The following ZNF385D variants were observed in gnomAD, a reference collection of about 807,000 sequenced individuals.
ZNF385D encodes the protein zinc finger protein 659.
Under a neutral mutation model 35.8 loss-of-function variants are expected in ZNF385D, and 15 were observed. That is an observed-to-expected ratio of 0.42 (90% CI 0.28 to 0.64). The LOEUF (loss-of-function observed/expected upper bound fraction) is 0.64. Among genes scored for constraint, ZNF385D ranks in the 30% least tolerant of loss-of-function variants. The pLI, the probability that ZNF385D is intolerant of heterozygous loss-of-function variation, is 0.23. For synonymous variants in ZNF385D, 212 were observed against 186.8 expected, an observed-to-expected ratio of 1.13 and a Z score of -1.10; for missense variants, 474 against 494.6, an observed-to-expected ratio of 0.96 and a Z score of 0.39.
chr3:21,719,166 A>C (rs1281977816), intron 1 of ZNF385D, among the ~76,000 whole-genome samples: 1 of 152,220 alleles, frequency 6.6e-6, no homozygotes, highest in Non-Finnish European at 1.5e-5. Flanking sequence ...AACCAACTGC[A>C]TGGGCAAAAC....
chr3:21,797,301 CAT>C (rs1359409196), intron 3 of ZNF385D, among the ~76,000 whole-genome samples: 1 of 152,162 alleles, frequency 6.6e-6, no homozygotes, highest in Non-Finnish European at 1.5e-5. Context: ...TCACTACACA[CAT>C]ATTAAAATGA....
intron 1 of ZNF385D, among the ~76,000 whole-genome samples, chr3:21,745,443 G>A (rs755589438): frequency 1.3e-5 from 2 of 152,160 alleles, no homozygotes; most frequent in Non-Finnish European, 2.9e-5. Context: ...TGCAATCAGG[G>A]CTGACTTCCA....
upstream of ZNF385D, among the ~76,000 whole-genome samples, chr3:21,753,779 G>GTTA (rs1279418651): frequency 5.1e-4 from 55 of 108,544 alleles, no homozygotes; most frequent in Non-Finnish European, 7.9e-4. Context: ...TGTTGTTGTT[G>GTTA]TTGTTGTTGT....
intron 3 of ZNF385D, among the ~76,000 whole-genome samples, chr3:22,046,377 G>A (rs1576221997): frequency 1.3e-5 from 2 of 152,070 alleles, no homozygotes; most frequent in South Asian, 4.2e-4. Context: ...GAAAAAGAAT[G>A]CCCTGACAGC....
At chr3:21,637,652 A>G (rs191352364) in intron 2 of ZNF385D, among the ~76,000 whole-genome samples, 2 of 152,210 alleles carry the variant, frequency 1.3e-5, no homozygotes, top group East Asian at 3.9e-4. Context: ...TGATCCTGTG[A>G]GAGCACTAAC....
intron 2 of ZNF385D, among the ~76,000 whole-genome samples, chr3:21,622,730 A>G (rs1182066180): frequency 6.6e-6 from 1 of 152,046 alleles, no homozygotes; most frequent in East Asian, 1.9e-4. Context: ...TAGCTTTTTC[A>G]TCTAAAATAA....
rs547385686 is a variant in ZNF385D, at chr3:21,581,471, A to AAAAG, written c.166-16791_166-16788dup. On this transcript the variant is annotated intron_variant, in intron 2 of 7. Transcript: ENST00000281523. ...TTATATTCTCCCCAACCTAAATTGC[A>AAAAG]AAAGAGGTAGGGTGTTGTATTTATC... is the stretch of plus-strand genomic sequence containing the variant. Among the ~76,000 whole-genome samples the AAAAG allele has an allele frequency of 3.4e-4, 52 of 152,246 alleles. No individual in the cohort carries two copies. The South Asian group carries it at 8.5e-3, about 25-fold the overall frequency.
At chr3:21,600,858 T>C (rs1437519900) in intron 2 of ZNF385D, among the ~76,000 whole-genome samples, 1 of 146,716 alleles carries the variant, frequency 6.8e-6, no homozygotes, top group African/African-American at 2.6e-5. Context: ...AAAGATAAAC[T>C]TGAGATTCTC....
chr3:21,921,628 TAAAA>T (rs1055451325), intron 3 of ZNF385D, among the ~76,000 whole-genome samples: 1 of 151,702 alleles, frequency 6.6e-6, no homozygotes, highest in Admixed American at 6.6e-5. Flanking sequence ...AGAAAACACC[TAAAA>T]AAAGAGACAT....
At chr3:21,692,692 A>C (rs549434196) in intron 1 of ZNF385D, among the ~76,000 whole-genome samples, 1 of 152,304 alleles carries the variant, frequency 6.6e-6, no homozygotes, top group South Asian at 2.1e-4. Context: ...CAAAGAGTGC[A>C]TGTCTTCATT....
chr3:21,575,285 G>T (rs2063463554), intron 2 of ZNF385D, among the ~76,000 whole-genome samples: 1 of 152,226 alleles, frequency 6.6e-6, no homozygotes. Context: ...GGAGGTGGGA[G>T]GGTGGTGTTT....
intron 2 of ZNF385D, among the ~76,000 whole-genome samples, chr3:22,291,593 T>C (rs1239075021): frequency 1.3e-5 from 2 of 152,072 alleles, no homozygotes; most frequent in African/African-American, 4.8e-5. Flanking sequence ...GATAGTTTTA[T>C]ACTATTCTTT....
rs141687127 is a variant in ZNF385D at position 21,684,041 on chromosome 3, G to A, written c.23-19013C>T. 1.0e-2 allele frequency among the ~76,000 whole-genome samples: 1,493 copies of A among 149,770 alleles called. 96 individuals are homozygous for A. The highest frequency in any genetic ancestry group is 0.016 in the Non-Finnish European group (1,101 of 67,336). ...TGATGTTTTAAGGCACCAAGTTTCT[G>A]GTAATTAATTACGCAGAAATAGAAC... On this transcript the variant is annotated intron_variant, in intron 1 of 7. Coordinates refer to ENST00000281523, the MANE Select transcript of ZNF385D (RefSeq NM_024697.3).
intron 1 of ZNF385D, among the ~76,000 whole-genome samples, chr3:21,741,749 T>C (rs965361108): frequency 1.8e-4 from 27 of 152,138 alleles, no homozygotes; most frequent in African/African-American, 6.5e-4. Context: ...TCCTAAGCAA[T>C]TATTAATAAA....
chr3:22,104,742 T>C (rs971617438), intron 3 of ZNF385D, among the ~76,000 whole-genome samples: 1 of 152,166 alleles, frequency 6.6e-6, no homozygotes, highest in Non-Finnish European at 1.5e-5. Context: ...AGAATTGTTA[T>C]GGGAGATAAA....
upstream of ZNF385D, among the ~76,000 whole-genome samples, chr3:21,753,045 G>C (rs1209119654): frequency 6.6e-6 from 1 of 152,106 alleles, no homozygotes; most frequent in African/African-American, 2.4e-5. Flanking sequence ...TTTCAAATAG[G>C]AGATTTGAAA....
chr3:22,274,791 T>A (rs1208222456), intron 2 of ZNF385D, among the ~76,000 whole-genome samples: 1 of 151,376 alleles, frequency 6.6e-6, no homozygotes, highest in Non-Finnish European at 1.5e-5. Flanking sequence ...GTACTTTTTT[T>A]TTTTTTTTAA....
At chr3:21,498,690 A>G (rs1452072229) in intron 4 of ZNF385D, among the ~76,000 whole-genome samples, 1 of 152,048 alleles carries the variant, frequency 6.6e-6, no homozygotes, top group African/African-American at 2.4e-5. Context: ...TATTAATAAC[A>G]AGTCACACTT....
rs1381710003 is a variant in ZNF385D at position 21,465,219 on chromosome 3, G to T, written c.440-28016C>A. The stretch of plus-strand genomic sequence containing the variant: ...ATATTTTCACTTTTATTTTCACATA[G>T]GGAACTACACTTATCTCCAGAGTCT... On this transcript the variant is annotated intron_variant, in intron 4 of 7. Coordinates refer to ENST00000281523, the MANE Select transcript of ZNF385D (RefSeq NM_024697.3). This position sits in a 1 kb window ranked among gnomAD's most constrained non-coding sequence, Gnocchi z 4.2. Among the ~76,000 whole-genome samples the T allele has an allele frequency of 6.6e-6, 1 of 151,966 alleles. No homozygotes were observed. The highest frequency in any genetic ancestry group is 1.5e-5 in the Non-Finnish European group (1 of 67,986).
Sources: gnomAD v4.1 joint callset for allele counts (sites outside exome capture counted in the v4.1 genomes callset) on GRCh38, gnomAD v4.1.1 for gene constraint, Gnocchi (gnomAD v3.1) non-coding constraint, MANE v1.5 for transcripts, NCBI Gene and HGNC (gene_info 2026-07-23, HGNC 2026-07-21) for gene names.